Variants in PRRC2C observed in about 807,000 individuals in gnomAD.
The protein encoded by PRRC2C is proline rich coiled-coil 2C, also known as protein PRRC2C.
In PRRC2C, 72 loss-of-function variants were observed where a neutral mutation model predicts 317.2. The observed-to-expected ratio is 0.23, with a 90% confidence interval of 0.19 to 0.28. The LOEUF (loss-of-function observed/expected upper bound fraction) is 0.28. PRRC2C is among the 10% of genes least tolerant of loss of function. The pLI is 1.00. For missense variants in PRRC2C, 3,074 were observed against 3,459.7 expected (o/e 0.89, Z 2.80); for synonymous variants, 1,296 against 1,205.9 (o/e 1.07, Z -1.55).
chr1:171,564,415 A>G (rs948945241), intron 20 of PRRC2C, among the ~76,000 whole-genome samples: 4 of 152,188 alleles, frequency 2.6e-5, no homozygotes, highest in African/African-American at 9.7e-5. Flanking sequence ...ATTTTTGTAT[A>G]TACAGTTAAT....
chr1:171,591,970 A>C lies in PRRC2C; in HGVS notation c.*123A>C, dbSNP rs1256452848. On this transcript the variant is annotated 3_prime_UTR_variant, in exon 35 of 35. Transcript: ENST00000647382. ...ACATTATCCTGTTCAGAGCTTGGAG[A>C]TGTACAAGGGACATAGGAGCAATTT... The C allele has an allele frequency of 7.6e-7, 1 of 1,323,980 alleles. No homozygotes were observed. Among genetic ancestry groups the C allele is most frequent in the Non-Finnish European group, 1.0e-6 (1 of 961,538 alleles). The allele number at this position is 1,323,980 out of a possible 1,614,324, so 82.0% of individuals were successfully genotyped here. A position where few individuals can be genotyped will look rare whatever the true frequency, so the allele number is the denominator to read the frequency against.
intron 1 of PRRC2C, among the ~76,000 whole-genome samples, chr1:171,501,596 C>G (rs1669127289): frequency 6.6e-6 from 1 of 152,142 alleles, no homozygotes; most frequent in South Asian, 2.1e-4. Flanking sequence ...ACAGGCTGAT[C>G]CTCTGCCCTT....
chr1:171,529,850 T>A (rs1028851364), intron 11 of PRRC2C, among the ~76,000 whole-genome samples: 10 of 152,252 alleles, frequency 6.6e-5, no homozygotes, highest in African/African-American at 2.2e-4. Flanking sequence ...TTACTTGTTC[T>A]TCTTTCTAAC....
chr1:171,586,668 C>G (rs572081970), intron 30 of PRRC2C, among the ~76,000 whole-genome samples: 123 of 151,742 alleles, frequency 8.1e-4, no homozygotes, highest in African/African-American at 2.8e-3. Flanking sequence ...GCAACCTCCC[C>G]CTCCTGGGTC....
intron 33 of PRRC2C, among the ~76,000 whole-genome samples, 162 bp downstream of exon 33, chr1:171,588,667 G>A (rs1318263377): frequency 2.0e-5 from 3 of 152,130 alleles, no homozygotes; most frequent in Non-Finnish European, 2.9e-5. Context: ...GATAGTCTGC[G>A]ATTTATAGCC....
intron 9 of PRRC2C, 104 bp downstream of exon 9, chr1:171,523,626 A>G: frequency 2.0e-6 from 2 of 1,007,736 alleles, no homozygotes; most frequent in Middle Eastern, 3.1e-4. Context: ...TGTTATTTGT[A>G]GAATTTATAT....
rs1254631936 is a variant in PRRC2C, at chr1:171,591,824, A to G, written c.8674A>G (p.Lys2892Glu). ...RTGPIKPQAIKTEETKS is the reference protein window; with the variant it reads ...RTGPIKPQAIETEETKS Reference sequence around the variant, plus strand: ...TGGACCAATCAAACCTCAGGCGATCAAAACCGAAGAAACAAAATCTTAAAG... The same window carrying G: ...TGGACCAATCAAACCTCAGGCGATCGAAACCGAAGAAACAAAATCTTAAAG... Residue 2892 changes from lysine (K) to glutamate (E), a missense_variant, in exon 35 of 35, where the codon AAA (lysine) becomes GAA (glutamate). Lys to Glu is a moderately conservative substitution (Grantham distance 56). Around this residue, in one of 11 missense-constraint regions of PRRC2C, gnomAD observed 78 missense variants for 97.7 expected, o/e 0.80. Coordinates refer to ENST00000647382, the MANE Select transcript of PRRC2C (RefSeq NM_001387844.1). 6.2e-7 allele frequency: 1 copy of G among 1,603,282 alleles called. No individual in the cohort carries two copies. The highest frequency in any genetic ancestry group is 2.3e-5 in the East Asian group (1 of 44,348).
In PRRC2C at chr1:171,589,308, GTTT is replaced by G. The variant is rs11284338; in HGVS notation, c.8200-41_8200-39del. The G allele has an allele frequency of 4.1e-3, 1,835 of 444,644 alleles. 1 individual carries two copies. Among genetic ancestry groups the G allele is most frequent in the Non-Finnish European group, 4.8e-3 (1,375 of 288,940 alleles). The allele number at this position is 444,644 out of a possible 1,614,324, so 27.5% of individuals were successfully genotyped here. On this transcript the variant is annotated intron_variant, in intron 33 of 34. Coordinates refer to ENST00000647382, the MANE Select transcript of PRRC2C (RefSeq NM_001387844.1). ...ATGAGCCAACCTGGTCTAGTTGGCA[GTTT>G]TTTTTTTTTTTTTTTTTTTAACAGT...
chr1:171,585,313 C>G (rs564880397), intron 30 of PRRC2C, among the ~76,000 whole-genome samples: 5 of 152,112 alleles, frequency 3.3e-5, no homozygotes, highest in Non-Finnish European at 5.9e-5. Context: ...AGACTGTGAT[C>G]GAGCATAAAT....
intron 19 of PRRC2C, among the ~76,000 whole-genome samples, 153 bp from the exon 20 acceptor site, chr1:171,560,865 A>G (rs1682550225): frequency 6.6e-6 from 1 of 152,248 alleles, no homozygotes; most frequent in African/African-American, 2.4e-5. Flanking sequence ...ATGTTGATAC[A>G]TAATAATCTT....
At chr1:171,508,939 T>A (rs1670774755) in intron 1 of PRRC2C, among the ~76,000 whole-genome samples, 1 of 152,090 alleles carries the variant, frequency 6.6e-6, no homozygotes, top group Non-Finnish European at 1.5e-5. Flanking sequence ...CAGGCTGGAG[T>A]GCAGTGGCAT....
At chr1:171,528,163 T>G (rs967289585) in intron 11 of PRRC2C, among the ~76,000 whole-genome samples, 1 of 152,300 alleles carries the variant, frequency 6.6e-6, no homozygotes, top group East Asian at 1.9e-4. Context: ...TTTCCACTTA[T>G]GATAATGTTA....
chr1:171,568,290 A>G lies in PRRC2C; in HGVS notation c.6602A>G (p.Asn2201Ser). ...ACTACACCCTCTTCTTCTTTGCCTA[A>G]CACCGTGGCTACTAATAATACAAAG... The part of the protein sequence containing the change: ...DYTTPSSSLP[N>S]TVATNNTKME... Residue 2201 changes from asparagine to serine, a missense_variant, in exon 23 of 35, where the codon AAC (asparagine) becomes AGC (serine). Physicochemically the swap from Asn to Ser is conservative, Grantham distance 46. This residue lies in a region of PRRC2C where 640 missense variants were observed against 676.1 expected (regional missense o/e 0.95). Coordinates refer to ENST00000647382, the MANE Select transcript of PRRC2C (RefSeq NM_001387844.1). The G allele has an allele frequency of 6.2e-7, 1 of 1,610,736 alleles. No individual in the cohort carries two copies. The highest frequency in any genetic ancestry group is 8.5e-7 in the Non-Finnish European group (1 of 1,178,312).
chr1:171,579,514 T>G (rs769802558), intron 27 of PRRC2C, 48 bp downstream of exon 27: 13 of 1,597,016 alleles, frequency 8.1e-6, no homozygotes, highest in Non-Finnish European at 1.1e-5. Flanking sequence ...TTCGCATTTC[T>G]GTGGTTATAA....
At chr1:171,496,766 A>G (rs1439531296) in intron 1 of PRRC2C, among the ~76,000 whole-genome samples, 1 of 127,796 alleles carries the variant, frequency 7.8e-6, no homozygotes, top group Non-Finnish European at 1.6e-5. Context: ...AAATCGATAC[A>G]TTTGGGGCGT....
chr1:171,577,359 T>G (rs990499249), intron 25 of PRRC2C, 75 bp from the exon 26 acceptor site: 1 of 1,302,636 alleles, frequency 7.7e-7, no homozygotes, highest in Non-Finnish European at 1.1e-6. Flanking sequence ...TTGCAGTTTC[T>G]GGTTGGTACT....
rs1473844451 is a variant in PRRC2C, at chr1:171,498,974, A to G, written c.-57-13058A>G. 3.9e-5 allele frequency among the ~76,000 whole-genome samples: 6 copies of G among 152,114 alleles called. No homozygotes were observed. The South Asian group carries it at 1.0e-3, about 26-fold the overall frequency. ...AAACATACTCTACCATACCTGGCCAATTGTTCATTTTGTTTAGAGACCAAG... is the reference window on the plus strand; with the variant it reads ...AAACATACTCTACCATACCTGGCCAGTTGTTCATTTTGTTTAGAGACCAAG... On this transcript the variant is annotated intron_variant, in intron 1 of 34. Coordinates refer to ENST00000647382, the MANE Select transcript of PRRC2C (RefSeq NM_001387844.1).
rs149991337 is a variant in PRRC2C, at chr1:171,491,623, A to T, written c.-58+5888A>T. ...AAATTGGAGAAATGGTCACTAAGGA[A>T]CAAAAAGCTTTGAACTTTTTGCTGA... On this transcript the variant is annotated intron_variant, in intron 1 of 34. Transcript: ENST00000647382. Among the ~76,000 whole-genome samples the T allele has an allele frequency of 4.1e-3, 619 of 152,348 alleles. 1 individual carries two copies. The highest frequency in any genetic ancestry group is 0.014 in the African/African-American group (597 of 41,592).
At chr1:171,491,008 A>C (rs1667049877) in intron 1 of PRRC2C, among the ~76,000 whole-genome samples, 1 of 152,212 alleles carries the variant, frequency 6.6e-6, no homozygotes, top group African/African-American at 2.4e-5. Context: ...CAAAGAGTAC[A>C]TTTATGTATT....
Sources: gnomAD v4.1 joint callset for allele counts (sites outside exome capture counted in the v4.1 genomes callset) on GRCh38, gnomAD v4.1.1 for gene constraint, gnomAD v4.1.1 regional missense constraint, MANE v1.5 for transcripts, NCBI Gene and HGNC (gene_info 2026-07-23, HGNC 2026-07-21) for gene names.